The following BCL11B variants were observed in gnomAD, a reference collection of about 807,000 sequenced individuals.
BCL11B encodes the protein BCL11 transcription factor B.
A neutral mutation model predicts 49.9 loss-of-function variants in BCL11B; 8 were observed. The observed-to-expected ratio is 0.16, with a 90% CI of 0.09 to 0.29. The LOEUF is 0.29. BCL11B is among the 10% of genes least tolerant of loss of function. The pLI, the probability that BCL11B is intolerant of heterozygous loss-of-function variation, is 1.00. For missense variants in BCL11B, 1,006 were observed against 1,351.0 expected (o/e 0.74, Z 4.00); for synonymous variants, 739 against 637.4 (o/e 1.16, Z -2.40).
intron 2 of BCL11B, among the ~76,000 whole-genome samples, chr14:99,244,290 T>C (rs539769390): frequency 2.0e-5 from 3 of 151,328 alleles, no homozygotes; most frequent in South Asian, 2.1e-4. Flanking sequence ...ACATGAACAA[T>C]TACCCCCCCC....
chr14:99,226,092 G>A (rs529682755), intron 3 of BCL11B, among the ~76,000 whole-genome samples: 18 of 152,380 alleles, frequency 1.2e-4, no homozygotes, highest in African/African-American at 4.1e-4. Flanking sequence ...GCACTGTGAA[G>A]GCTGGGTTGC....
intron 3 of BCL11B, among the ~76,000 whole-genome samples, chr14:99,223,968 C>CCA (rs147061045): frequency 1.3e-5 from 2 of 152,340 alleles, no homozygotes; most frequent in East Asian, 3.9e-4. Flanking sequence ...CATTTCACAT[C>CCA]CACTGAGTGA....
chr14:99,182,821 A>T (rs1886746655), intron 3 of BCL11B, among the ~76,000 whole-genome samples: 1 of 152,226 alleles, frequency 6.6e-6, no homozygotes, highest in Admixed American at 6.5e-5. Context: ...GGCTCCAGGC[A>T]GTCATTGCCA....
chr14:99,192,384 G>A lies in BCL11B; in HGVS notation c.641-16189C>T, dbSNP rs1450751677. On this transcript the variant is annotated intron_variant, in intron 3 of 3. Transcript: ENST00000357195. This position sits in a 1 kb window ranked among gnomAD's most constrained non-coding sequence, Gnocchi z 4.0. ...AATGGGGAACAGAGCAGGGCTTTCG[G>A]GGCCCCGCTCGCCACAATAGGGACT... Among the ~76,000 whole-genome samples the A allele has an allele frequency of 1.3e-5, 2 of 152,192 alleles. No individual in the cohort carries two copies. Among genetic ancestry groups the A allele is most frequent in the Non-Finnish European group, 2.9e-5 (2 of 68,020 alleles).
chr14:99,208,920 C>G (rs578165510), intron 3 of BCL11B, among the ~76,000 whole-genome samples: 11 of 152,174 alleles, frequency 7.2e-5, no homozygotes, highest in African/African-American at 2.7e-4. Flanking sequence ...CCAAGGCCAA[C>G]GTGGACATGG....
Position 99,172,619 on chromosome 14 carries a change from T to A in BCL11B, c.*1532A>T, listed in dbSNP as rs981121411. On this transcript the variant is annotated 3_prime_UTR_variant, in exon 4 of 4. Transcript: ENST00000357195. Reference sequence around the variant, plus strand: ...AATTATTATTTTATTTTGTTCTTTATAGTGCCAGTATTGTGAATGCCACGC... The same window carrying A: ...AATTATTATTTTATTTTGTTCTTTAAAGTGCCAGTATTGTGAATGCCACGC... 9.4e-6 allele frequency: 2 copies of A among 212,784 alleles called. No homozygotes were observed. The highest frequency in any genetic ancestry group is 1.9e-4 in the South Asian group (1 of 5,328). The allele number at this position is 212,784 out of a possible 1,614,324, so 13.2% of individuals were successfully genotyped here. A position where few individuals can be genotyped will look rare whatever the true frequency, so the allele number is the denominator to read the frequency against.
chr14:99,176,290 G>A lies in BCL11B; in HGVS notation c.641-95C>T, dbSNP rs999914546. Reference sequence around the variant, plus strand: ...GCCACTGGCCTGGGGGACGCGGCCCGGGCTGATCCGGGATCCCAGTGCCCT... The same window carrying A: ...GCCACTGGCCTGGGGGACGCGGCCCAGGCTGATCCGGGATCCCAGTGCCCT... On this transcript the variant is annotated intron_variant, in intron 3 of 3. Transcript: ENST00000357195. 18 of 1,155,460 alleles carry A rather than the reference G, an allele frequency of 1.6e-5. No individual in the cohort carries two copies. The African/African-American group carries it at 2.1e-4, about 13-fold the overall frequency. 71.6% of individuals were successfully genotyped at this position (1,155,460 alleles called of 1,614,324 possible). A position where few individuals can be genotyped will look rare whatever the true frequency, so the allele number is the denominator to read the frequency against.
chr14:99,255,405 G>GAAAAAAAA (rs67440207), intron 2 of BCL11B, among the ~76,000 whole-genome samples: 2 of 65,166 alleles, frequency 3.1e-5, no homozygotes, highest in South Asian at 7.7e-4. Flanking sequence ...TCACAACCTG[G>GAAAAAAAA]AAAAAAAAAA....
At chr14:99,206,329 T>A (rs1173293066) in intron 3 of BCL11B, among the ~76,000 whole-genome samples, 1 of 152,240 alleles carries the variant, frequency 6.6e-6, no homozygotes, top group African/African-American at 2.4e-5. Context: ...CACAGTTGAA[T>A]ACAGTAGTTC....
chr14:99,251,806 G>T (rs368501987), intron 2 of BCL11B, among the ~76,000 whole-genome samples: 1 of 152,052 alleles, frequency 6.6e-6, no homozygotes, highest in Non-Finnish European at 1.5e-5. Context: ...GGTGGTGCCC[G>T]CCATCAAGGC....
chr14:99,260,713 T>C (rs1262008962), intron 1 of BCL11B, among the ~76,000 whole-genome samples: 1 of 152,140 alleles, frequency 6.6e-6, no homozygotes, highest in Admixed American at 6.5e-5. Context: ...GTCTCTGCCT[T>C]TTCACTTTCC....
intron 3 of BCL11B, among the ~76,000 whole-genome samples, chr14:99,193,573 A>G (rs1482091085): frequency 6.6e-6 from 1 of 152,158 alleles, no homozygotes; most frequent in Non-Finnish European, 1.5e-5. Flanking sequence ...CCTCCTCCCA[A>G]TCCTCTTACC....
rs1526321 is a variant in BCL11B, at chr14:99,263,480, G to C, written c.59-5641C>G. 7.5e-3 allele frequency among the ~76,000 whole-genome samples: 1,145 copies of C among 152,316 alleles called. 8 individuals carry two copies. Among genetic ancestry groups the C allele is most frequent in the Middle Eastern group, 0.041 (12 of 294 alleles). On this transcript the variant is annotated intron_variant, in intron 1 of 3. Transcript: ENST00000357195. ...GGCCTGGCCTGCAGGCCAGGAGGTG[G>C]AAACTCCAGATCCGTGAAGAGGTTT...
rs1888697477 is a variant in BCL11B at position 99,242,388 on chromosome 14, G to A, written c.428-10831C>T. Among the ~76,000 whole-genome samples, 1 of 152,206 alleles carries A rather than the reference G, an allele frequency of 6.6e-6. No individual in the cohort carries two copies. The highest frequency in any genetic ancestry group is 1.9e-4 in the East Asian group (1 of 5,188). ...AGGGTTACGAGTCCAGCCGTGGAGA[G>A]GGGAATATCACGGCCTTCCTTGCCC... On this transcript the variant is annotated intron_variant, in intron 2 of 3. Transcript: ENST00000357195. The surrounding 1 kb of genome is among the most constrained non-coding windows in gnomAD (Gnocchi z 4.4).
intron 2 of BCL11B, among the ~76,000 whole-genome samples, chr14:99,233,130 C>A (rs374091242): frequency 6.6e-6 from 1 of 152,174 alleles, no homozygotes; most frequent in Non-Finnish European, 1.5e-5. Context: ...AAGGTCAGGA[C>A]CTGCCTCCTC....
intron 3 of BCL11B, among the ~76,000 whole-genome samples, chr14:99,181,941 C>T (rs1023424876): frequency 2.0e-5 from 3 of 152,224 alleles, no homozygotes; most frequent in Admixed American, 6.5e-5. Context: ...TCGTAATTAT[C>T]AGTGTTATCC....
At chr14:99,199,677 T>TGCGCGC (rs1272012647) in intron 3 of BCL11B, among the ~76,000 whole-genome samples, 181 of 112,122 alleles carry the variant, frequency 1.6e-3, no homozygotes, top group East Asian at 1.3e-3. Flanking sequence ...TGTGTGTGTG[T>TGCGCGC]GTGTGTGCGC....
intron 3 of BCL11B, among the ~76,000 whole-genome samples, chr14:99,215,373 C>T (rs569813493): frequency 1.3e-5 from 2 of 152,364 alleles, no homozygotes; most frequent in East Asian, 3.9e-4. Flanking sequence ...ATTGTGGCCG[C>T]GGCCCCTGCC....
At chr14:99,181,685 T>G (rs1258227785) in intron 3 of BCL11B, among the ~76,000 whole-genome samples, 3 of 152,234 alleles carry the variant, frequency 2.0e-5, no homozygotes, top group African/African-American at 4.8e-5. Context: ...GGGAGACGTT[T>G]CACAGAGCGA....
Sources: gnomAD v4.1 joint callset for allele counts (sites outside exome capture counted in the v4.1 genomes callset) on GRCh38, gnomAD v4.1.1 for gene constraint, Gnocchi (gnomAD v3.1) non-coding constraint, MANE v1.5 for transcripts, NCBI Gene and HGNC (gene_info 2026-07-23, HGNC 2026-07-21) for gene names.